Variants in NTM observed in about 807,000 individuals in gnomAD.
NTM encodes the protein neurotrimin.
Under a neutral mutation model 42.1 loss-of-function variants are expected in NTM, and 13 were observed. The ratio of observed to expected loss-of-function variants is 0.31; its 90% CI spans 0.20 to 0.49. The LOEUF (loss-of-function observed/expected upper bound fraction) is 0.49, where lower values mean the gene tolerates loss of function less well. NTM is among the 20% of genes least tolerant of loss of function. The pLI, the probability that NTM is intolerant of heterozygous loss-of-function variation, is 0.99. For missense variants in NTM, 373 were observed against 452.8 expected (o/e 0.82, Z 1.60); for synonymous variants, 187 against 179.2 (o/e 1.04, Z -0.35).
At chr11:131,685,102 C>T (rs1393321984) in intron 1 of NTM, among the ~76,000 whole-genome samples, 1 of 152,194 alleles carries the variant, frequency 6.6e-6, no homozygotes, top group Admixed American at 6.5e-5. Flanking sequence ...CAATAGCTTC[C>T]ATAGGTGTCA....
chr11:131,588,265 A>T (rs1006943885), intron 1 of NTM, among the ~76,000 whole-genome samples: 2 of 152,266 alleles, frequency 1.3e-5, no homozygotes, highest in African/African-American at 4.8e-5. Context: ...GCTTCCTCAC[A>T]ACATGGCAGC....
At chr11:131,830,780 A>T (rs1020896745) in intron 1 of NTM, among the ~76,000 whole-genome samples, 10 of 152,232 alleles carry the variant, frequency 6.6e-5, no homozygotes, top group African/African-American at 2.4e-4. Flanking sequence ...TTTTAACAAT[A>T]TCGATTCTTC....
intron 1 of NTM, among the ~76,000 whole-genome samples, chr11:131,815,161 C>G (rs368399654): frequency 6.6e-5 from 10 of 152,182 alleles, no homozygotes; most frequent in African/African-American, 2.4e-4. Flanking sequence ...TCTGGACTTT[C>G]CCGGCCCTCT....
Position 131,796,083 on chromosome 11 carries a change from CT to C in NTM, c.83-115480del, listed in dbSNP as rs2091524891. ...GCCAAACAGGAAAGCGTAACTCACA[CT>C]AGTTATTTTCCCGGGGGAAATCTAG... On this transcript the variant is annotated intron_variant, in intron 1 of 8. Transcript: ENST00000683400. 4.1e-6 allele frequency: 4 copies of C among 985,386 alleles called. No homozygotes were observed. In the South Asian group the frequency reaches 1.9e-4, roughly 46 times the overall value. 61.0% of individuals were successfully genotyped at this position (985,386 alleles called of 1,614,324 possible).
chr11:132,121,086 A>C (rs2136925825), intron 2 of NTM, among the ~76,000 whole-genome samples: 1 of 152,326 alleles, frequency 6.6e-6, no homozygotes, highest in Admixed American at 6.5e-5. Flanking sequence ...CAGTGTTCAC[A>C]GGAGAAAAGT....
At chr11:131,692,084 C>T (rs965670903) in intron 1 of NTM, among the ~76,000 whole-genome samples, 1 of 152,134 alleles carries the variant, frequency 6.6e-6, no homozygotes, top group East Asian at 1.9e-4. Context: ...AGGAAACGGG[C>T]AGGGAGTCAC....
At chr11:131,698,113 A>C (rs1429842283) in intron 1 of NTM, among the ~76,000 whole-genome samples, 1 of 152,114 alleles carries the variant, frequency 6.6e-6, no homozygotes, top group Non-Finnish European at 1.5e-5. Flanking sequence ...TATTGCCCCC[A>C]TGTTAATATT....
At chr11:131,792,205 CCTA>C (rs1455276484) in intron 1 of NTM, among the ~76,000 whole-genome samples, 1 of 152,044 alleles carries the variant, frequency 6.6e-6, no homozygotes, top group Non-Finnish European at 1.5e-5. Flanking sequence ...TAAATATATA[CCTA>C]CTATCTACCC....
At chr11:131,937,686 C>T (rs1003654284) in intron 2 of NTM, among the ~76,000 whole-genome samples, 8 of 152,148 alleles carry the variant, frequency 5.3e-5, no homozygotes, top group East Asian at 1.9e-4. Context: ...CTTAATGCCT[C>T]GGTAATCTGG....
intron 1 of NTM, among the ~76,000 whole-genome samples, chr11:131,685,445 C>G (rs569209498): frequency 3.1e-4 from 47 of 152,286 alleles, no homozygotes; most frequent in African/African-American, 1.1e-3. Context: ...GTCTCTGATC[C>G]CGTCTGTTTC....
At chr11:132,096,113 C>T (rs1183045670) in intron 2 of NTM, among the ~76,000 whole-genome samples, 1 of 152,208 alleles carries the variant, frequency 6.6e-6, no homozygotes, top group Non-Finnish European at 1.5e-5. Flanking sequence ...GGCCACTCTT[C>T]TTTTCCTTCA....
At chr11:132,330,218 G>T in intron 8 of NTM, 33 bp downstream of exon 8, 1 of 1,543,068 alleles carries the variant, frequency 6.5e-7, no homozygotes, top group Non-Finnish European at 8.8e-7. Context: ...TGCTGCCTTG[G>T]TGGGTGTGGG....
At chr11:132,088,941 G>T (rs935424107) in intron 2 of NTM, among the ~76,000 whole-genome samples, 5 of 151,760 alleles carry the variant, frequency 3.3e-5, no homozygotes, top group Admixed American at 3.3e-4. Flanking sequence ...GAAACAAAAA[G>T]AAGCCAGAAA....
At chr11:131,776,427 C>T (rs894000757) in intron 1 of NTM, among the ~76,000 whole-genome samples, 2 of 152,200 alleles carry the variant, frequency 1.3e-5, no homozygotes, top group Non-Finnish European at 2.9e-5. Context: ...CTGAGAAGCA[C>T]GGGCTCAGTA....
chr11:131,478,661 G>C (rs1002322760), intron 1 of NTM, among the ~76,000 whole-genome samples: 9 of 152,154 alleles, frequency 5.9e-5, no homozygotes, highest in African/African-American at 2.2e-4. Context: ...TCTGACCACG[G>C]TGGTTATAAT....
At chr11:132,128,238 GTT>G (rs5795754) in intron 2 of NTM, among the ~76,000 whole-genome samples, 41,772 of 149,520 alleles carry the variant, frequency 0.28, 5,998 homozygotes, top group Non-Finnish European at 0.29. Flanking sequence ...CTGTGAGTGT[GTT>G]TTTTTTTTTA....
intron 2 of NTM, among the ~76,000 whole-genome samples, chr11:132,099,342 A>AT (rs888501233): frequency 2.6e-5 from 4 of 152,096 alleles, no homozygotes; most frequent in Admixed American, 6.5e-5. Flanking sequence ...GTGGTCAAAT[A>AT]TTTTTTATCT....
chr11:131,912,672 C>T (rs576544217), intron 2 of NTM, among the ~76,000 whole-genome samples: 14 of 152,296 alleles, frequency 9.2e-5, no homozygotes, highest in African/African-American at 3.4e-4. Flanking sequence ...GTCTGCCCTC[C>T]TAAATAAAGT....
chr11:131,433,944 C>T (rs1009418226), intron 1 of NTM, among the ~76,000 whole-genome samples: 2 of 152,204 alleles, frequency 1.3e-5, no homozygotes, highest in African/African-American at 2.4e-5. Flanking sequence ...CTATCCCTCT[C>T]CCTATCCCCA....
Sources: gnomAD v4.1 joint callset for allele counts (sites outside exome capture counted in the v4.1 genomes callset) on GRCh38, gnomAD v4.1.1 for gene constraint, MANE v1.5 for transcripts, NCBI Gene and HGNC (gene_info 2026-07-23, HGNC 2026-07-21) for gene names.